GINS1: variants seen among roughly 807,000 people sequenced by gnomAD.
GINS1 encodes GINS complex subunit 1.
In GINS1, 26 loss-of-function variants were observed where a neutral mutation model predicts 34.9. The ratio of observed to expected loss-of-function variants is 0.74; its 90% confidence interval spans 0.55 to 1.03. GINS1 has a LOEUF of 1.03. Among genes scored for constraint, GINS1 ranks in the 50% least tolerant of loss-of-function variants. The pLI is 0.00. For missense variants in GINS1, 235 were observed against 237.9 expected, an observed-to-expected ratio of 0.99 and a Z score of 0.08; for synonymous variants, 97 against 84.4, an observed-to-expected ratio of 1.15 and a Z score of -0.82.
At position 25,447,542 on chromosome 20, in the gene GINS1, T is replaced by G. The variant is rs1006496324; in HGVS notation, c.*1551T>G. The G allele has an allele frequency of 6.6e-6, 1 of 152,226 alleles. No homozygotes were observed. The highest frequency in any genetic ancestry group is 2.4e-5 in the African/African-American group (1 of 41,454). The allele number at this position is 152,226 out of a possible 1,614,324, so 9.4% of individuals were successfully genotyped here. ...GACTCTGTTTTGTTCCATTGACCTG[T>G]TTTTCTCTCCTGAATGCCAATACCA... On this transcript the variant is annotated 3_prime_UTR_variant, in exon 7 of 7. Coordinates refer to ENST00000262460, the MANE Select transcript of GINS1 (RefSeq NM_021067.5).
chr20:25,423,377 G>T (rs2090368503), intron 4 of GINS1, among the ~76,000 whole-genome samples: 1 of 149,198 alleles, frequency 6.7e-6, no homozygotes, highest in Non-Finnish European at 1.5e-5. Flanking sequence ...GTCTCCCAAA[G>T]CTGGGATTAC....
At chr20:25,432,880 A>G (rs1453989924) in intron 5 of GINS1, among the ~76,000 whole-genome samples, 3 of 148,438 alleles carry the variant, frequency 2.0e-5, no homozygotes, top group Non-Finnish European at 3.0e-5. Flanking sequence ...TTATATAATA[A>G]CATTATATAT....
intron 1 of GINS1, among the ~76,000 whole-genome samples, chr20:25,412,047 G>C (rs1046247881): frequency 6.6e-6 from 1 of 152,058 alleles, no homozygotes; most frequent in Non-Finnish European, 1.5e-5. Context: ...GGCAGAGGTT[G>C]CAGTGAGCTG....
intron 5 of GINS1, among the ~76,000 whole-genome samples, chr20:25,438,749 T>C (rs2090467231): frequency 6.6e-6 from 1 of 152,100 alleles, no homozygotes; most frequent in Non-Finnish European, 1.5e-5. Context: ...AATTTTTGTA[T>C]TTTTTGTACC....
chr20:25,429,541 C>G (rs1224443892), intron 5 of GINS1, among the ~76,000 whole-genome samples: 2 of 152,030 alleles, frequency 1.3e-5, no homozygotes, highest in East Asian at 3.9e-4. Flanking sequence ...TCTCCTCTTT[C>G]GTTAATTTAA....
intron 4 of GINS1, among the ~76,000 whole-genome samples, chr20:25,418,997 C>T (rs2090338251): frequency 6.6e-6 from 1 of 152,218 alleles, no homozygotes; most frequent in East Asian, 1.9e-4. Context: ...CACCACGAGT[C>T]ACCTGAGTAG....
At chr20:25,408,503 A>G (rs1171583489) in intron 1 of GINS1, among the ~76,000 whole-genome samples, 1 of 152,068 alleles carries the variant, frequency 6.6e-6, no homozygotes, top group Non-Finnish European at 1.5e-5. Flanking sequence ...GTATTTTTCT[A>G]TCACTGCTAC....
chr20:25,414,120 G>A (rs2090305207), intron 2 of GINS1, among the ~76,000 whole-genome samples: 1 of 149,120 alleles, frequency 6.7e-6, no homozygotes, highest in South Asian at 2.1e-4. Flanking sequence ...TACCCGGGAG[G>A]TGGAGGTTGC....
chr20:25,407,879 A>T lies in GINS1; in HGVS notation c.59A>T (p.Gln20Leu), dbSNP rs1367642264. The change falls in exon 1 of 7, where the codon CAA becomes CTA. Residue 20 changes from glutamine to leucine, a missense_variant. By Grantham distance (113) the Gln-to-Leu change is moderately radical. Coordinates refer to ENST00000262460, the MANE Select transcript of GINS1 (RefSeq NM_021067.5). ...IRELHRAPEG[Q>L]LPAFNEDGLR... ...GAGCTGCATCGCGCGCCCGAAGGGC[A>T]ACTGCCTGCCTTCAACGTGAGGGGC... 1 of 1,613,626 alleles carries T rather than the reference A, an allele frequency of 6.2e-7. No individual in the cohort carries two copies. Among genetic ancestry groups the T allele is most frequent in the Non-Finnish European group, 8.5e-7 (1 of 1,179,602 alleles).
intron 5 of GINS1, among the ~76,000 whole-genome samples, chr20:25,426,098 C>T (rs1297131071): frequency 6.6e-6 from 1 of 152,146 alleles, no homozygotes; most frequent in African/African-American, 2.4e-5. Flanking sequence ...GTAACTACCT[C>T]ATGTGAGTGG....
chr20:25,434,806 T>C (rs2090445624), intron 5 of GINS1, among the ~76,000 whole-genome samples: 1 of 152,184 alleles, frequency 6.6e-6, no homozygotes, highest in South Asian at 2.1e-4. Flanking sequence ...GCAGATTCAT[T>C]TGTCTTCTGT....
At chr20:25,410,985 AAAGT>A (rs1463234257) in intron 1 of GINS1, 1 of 152,162 alleles carries the variant, frequency 6.6e-6, no homozygotes, top group African/African-American at 2.4e-5. Context: ...CATTTTTAAG[AAAGT>A]TAGGCCAAGC....
At chr20:25,415,460 G>A (rs1385786044) in intron 2 of GINS1, among the ~76,000 whole-genome samples, 1 of 152,170 alleles carries the variant, frequency 6.6e-6, no homozygotes, top group Non-Finnish European at 1.5e-5. Flanking sequence ...GGCCGAGGCG[G>A]GTGGATCATC....
intron 5 of GINS1, among the ~76,000 whole-genome samples, chr20:25,434,741 A>G (rs981271492): frequency 1.3e-5 from 2 of 152,174 alleles, no homozygotes; most frequent in Non-Finnish European, 2.9e-5. Context: ...CACTGTGCCC[A>G]GCCAGCCTGT....
Position 25,442,136 on chromosome 20 carries a change from G to GT in GINS1, c.522+367dup, listed in dbSNP as rs1296414282. ...AATTTATTCTAAAAGTTCCTAAGCA[G>GT]TTTTTTTAGCTTACACTTTGCCTTA... On this transcript the variant is annotated intron_variant, in intron 6 of 6. Coordinates refer to ENST00000262460, the MANE Select transcript of GINS1 (RefSeq NM_021067.5). 2.0e-5 allele frequency among the ~76,000 whole-genome samples: 3 copies of GT among 152,066 alleles called. No homozygotes were observed. In the East Asian group the frequency reaches 5.8e-4, roughly 29 times the overall value.
chr20:25,442,004 A>G (rs1229422560), intron 6 of GINS1, among the ~76,000 whole-genome samples: 2 of 152,180 alleles, frequency 1.3e-5, no homozygotes, highest in Non-Finnish European at 2.9e-5. Context: ...TATATTTAAA[A>G]CTAGGTGTTT....
intron 3 of GINS1, 99 bp downstream of exon 3, chr20:25,417,301 C>A: frequency 1.5e-6 from 1 of 667,170 alleles, no homozygotes; most frequent in South Asian, 1.8e-5. Flanking sequence ...ATCTCTCTCT[C>A]TTTGTAAGCA....
chr20:25,413,182 G>A (rs1205424162), intron 1 of GINS1, among the ~76,000 whole-genome samples: 1 of 151,864 alleles, frequency 6.6e-6, no homozygotes, highest in East Asian at 1.9e-4. Flanking sequence ...CTCCTGAATA[G>A]CTGGGATTAC....
chr20:25,436,738 A>G (rs2090456780), intron 5 of GINS1, among the ~76,000 whole-genome samples: 1 of 152,138 alleles, frequency 6.6e-6, no homozygotes, highest in South Asian at 2.1e-4. Context: ...TAGTTCTTAG[A>G]GCATCTTTAA....
Sources: allele counts gnomAD v4.1 joint callset (sites outside exome capture counted in the v4.1 genomes callset), GRCh38; gene constraint gnomAD v4.1.1; transcripts MANE v1.5; gene names NCBI Gene and HGNC (gene_info 2026-07-23, HGNC 2026-07-21).